The following F8 variants were observed in gnomAD, a reference collection of about 807,000 sequenced individuals.
F8 encodes the protein coagulation factor VIII.
Under a neutral mutation model 140.6 loss-of-function variants are expected in F8, and 12 were observed. The ratio of observed to expected loss-of-function variants is 0.09; its 90% CI spans 0.05 to 0.14. The LOEUF (loss-of-function observed/expected upper bound fraction) is 0.14, where lower values mean the gene tolerates loss of function less well. Among genes scored for constraint, F8 ranks in the 10% least tolerant of loss-of-function variants. The pLI is 1.00. For synonymous variants in F8, 585 were observed against 614.6 expected, an observed-to-expected ratio of 0.95 and a Z score of 0.71; for missense variants, 1,354 against 1,720.7, an observed-to-expected ratio of 0.79 and a Z score of 3.77.
At chrX:154,859,742 T>C (rs1011400789) in intron 25 of F8, among the ~76,000 whole-genome samples, 19 of 111,783 alleles carry the variant, frequency 1.7e-4, no homozygotes, top group African/African-American at 5.9e-4. Flanking sequence ...AAGTCTTTCA[T>C]CCAGCCTTGA....
At chrX:154,939,765 C>G (rs1055298342) in intron 13 of F8, among the ~76,000 whole-genome samples, 2 of 112,134 alleles carry the variant, frequency 1.8e-5, no homozygotes, top group African/African-American at 6.5e-5. Flanking sequence ...AGGCACCCCC[C>G]AGTAGGGGCA....
intron 25 of F8, among the ~76,000 whole-genome samples, chrX:154,838,977 A>AC (rs1486934607): frequency 1.3e-5 from 1 of 77,244 alleles, no homozygotes; most frequent in African/African-American, 5.4e-5. Flanking sequence ...GTCTGTTCCC[A>AC]CCTTGGCCCC....
chrX:154,968,089 T>C (rs2073434741), intron 7 of F8, among the ~76,000 whole-genome samples: 2 of 111,918 alleles, frequency 1.8e-5, no homozygotes, highest in Admixed American at 1.9e-4. Context: ...ACTCTTGCTA[T>C]GGTTTGAATG....
intron 13 of F8, among the ~76,000 whole-genome samples, chrX:154,934,692 C>T (rs1327923763): frequency 9.0e-6 from 1 of 111,671 alleles, no homozygotes; most frequent in Non-Finnish European, 1.9e-5. Context: ...TGAAAACTCA[C>T]ACATACAATC....
chrX:154,905,035 T>C lies in F8; in HGVS notation c.5374-12A>G. 1 of 1,129,835 alleles carries C rather than the reference T, an allele frequency of 8.9e-7. No homozygotes were observed. The highest frequency in any genetic ancestry group is 1.2e-6 in the Non-Finnish European group (1 of 828,410). The allele number at this position is 1,129,835 out of a possible 1,213,427, so 93.1% of individuals were successfully genotyped here. ...TTTCTGAAAGTTACCTGTAGAACAA[T>C]AACGACAAAAAAAAAAAAGCAAGAA... On this transcript the variant is annotated splice_polypyrimidine_tract_variant and intron_variant, in intron 15 of 25. Coordinates refer to ENST00000360256, the MANE Select transcript of F8 (RefSeq NM_000132.4).
At chrX:154,942,007 A>G (rs2073268677) in intron 13 of F8, among the ~76,000 whole-genome samples, 1 of 105,038 alleles carries the variant, frequency 9.5e-6, no homozygotes, top group South Asian at 4.5e-4. Context: ...TCTGGGACAC[A>G]TTCAAAGCAG....
rs782046996 is a variant in F8 at position 154,836,230 on chromosome X, G to T, written c.*1367C>A. The T allele has an allele frequency of 2.7e-5, 3 of 111,588 alleles. No individual in the cohort carries two copies. The highest frequency in any genetic ancestry group is 7.5e-4 in the South Asian group (2 of 2,661). 9.2% of individuals were successfully genotyped at this position (111,588 alleles called of 1,213,427 possible). A position where few individuals can be genotyped will look rare whatever the true frequency, so the allele number is the denominator to read the frequency against. ...TGGGATCCATTTTTCTTTCATATTA[G>T]GATCTCCTGTTTTCCATTTGCCCTG... On this transcript the variant is annotated 3_prime_UTR_variant, in exon 26 of 26. Transcript: ENST00000360256.
chrX:154,851,292 T>C (rs988703683), intron 25 of F8, among the ~76,000 whole-genome samples: 1 of 112,654 alleles, frequency 8.9e-6, no homozygotes, highest in Non-Finnish European at 1.9e-5. Flanking sequence ...TGTTCATCAC[T>C]TGATGAACAT....
At chrX:154,846,475 G>A (rs1257248505) in intron 25 of F8, among the ~76,000 whole-genome samples, 1 of 111,734 alleles carries the variant, frequency 8.9e-6, no homozygotes, top group African/African-American at 3.3e-5. Flanking sequence ...TCCTGTATTG[G>A]GTGCATATAT....
intron 4 of F8, among the ~76,000 whole-genome samples, chrX:154,990,070 AT>A (rs1296821723): frequency 1.2e-4 from 13 of 111,345 alleles, no homozygotes; most frequent in Admixed American, 1.1e-3. Context: ...TACCTATATC[AT>A]TTTTTTGAAA....
intron 15 of F8, among the ~76,000 whole-genome samples, chrX:154,906,182 G>A (rs1214720961): frequency 9.0e-6 from 1 of 111,422 alleles, no homozygotes; most frequent in Non-Finnish European, 1.9e-5. Flanking sequence ...TGTTTTTAAT[G>A]ACGTAAGAAA....
At chrX:155,013,009 G>A (rs782057650) in intron 1 of F8, among the ~76,000 whole-genome samples, 2 of 108,894 alleles carry the variant, frequency 1.8e-5, no homozygotes, top group South Asian at 4.1e-4. Context: ...AGCCAGGCGT[G>A]GTGGCGGGCG....
Position 154,966,022 on chromosome X carries a change from T to C in F8, c.1391A>G (p.Glu464Gly). The change falls in exon 9 of 26, where the codon GAA (glutamate) becomes GGA (glycine). Residue 464 changes from glutamate (E) to glycine (G), a missense_variant. Physicochemically the swap from Glu to Gly is moderately conservative, Grantham distance 98 (BLOSUM62 -2). This residue lies in a region of F8 where 252 missense variants were observed against 338.5 expected (regional missense o/e 0.74). Transcript: ENST00000360256. ...TFKTREAIQH[E>G]SGILGPLLYG... ...AAGTAAAGGTCCCAAGATTCCTGATTCATGCTGAATAGCTTCACGAGTCTT... is the reference window on the plus strand; with the variant it reads ...AAGTAAAGGTCCCAAGATTCCTGATCCATGCTGAATAGCTTCACGAGTCTT... The C allele has an allele frequency of 3.3e-6, 4 of 1,211,196 alleles. No homozygotes were observed. The highest frequency in any genetic ancestry group is 4.5e-6 in the Non-Finnish European group (4 of 895,153).
At chrX:154,942,244 G>C (rs1210463622) in intron 13 of F8, among the ~76,000 whole-genome samples, 1 of 109,989 alleles carries the variant, frequency 9.1e-6, no homozygotes, top group Non-Finnish European at 1.9e-5. Context: ...TTTTTGAAAG[G>C]ATCAACAGAA....
At chrX:154,916,002 T>G (rs2073094942) in intron 14 of F8, among the ~76,000 whole-genome samples, 2 of 112,005 alleles carry the variant, frequency 1.8e-5, no homozygotes, top group Admixed American at 9.5e-5. Context: ...TTGTTGAGAG[T>G]TTTTATCATG....
At chrX:154,992,832 C>T in intron 4 of F8, 104 bp downstream of exon 4, 1 of 782,116 alleles carries the variant, frequency 1.3e-6, no homozygotes, top group Non-Finnish European at 1.9e-6. Flanking sequence ...AGTAAAAAAG[C>T]CTCTTTCAGG....
chrX:154,870,168 A>C (rs956774001), intron 22 of F8, among the ~76,000 whole-genome samples: 2 of 112,318 alleles, frequency 1.8e-5, no homozygotes, highest in Non-Finnish European at 3.8e-5. Context: ...ACAATAGAAA[A>C]AGAGGGAATC....
chrX:155,020,177 T>C (rs1307181379), intron 1 of F8, among the ~76,000 whole-genome samples: 4 of 111,846 alleles, frequency 3.6e-5, no homozygotes, highest in Non-Finnish European at 7.5e-5. Flanking sequence ...GGTACTGGCA[T>C]AGCAAGATAA....
intron 24 of F8, 58 bp downstream of exon 24, chrX:154,861,660 G>A (rs2072691872): frequency 3.4e-6 from 4 of 1,184,504 alleles, no homozygotes; most frequent in South Asian, 1.8e-5. Context: ...GGCCTTCCCC[G>A]ATTTTTTCCC....
Sources: allele counts gnomAD v4.1 joint callset (sites outside exome capture counted in the v4.1 genomes callset), GRCh38; gene constraint gnomAD v4.1.1; regional missense constraint gnomAD v4.1.1; transcripts MANE v1.5; gene names NCBI Gene and HGNC (gene_info 2026-07-23, HGNC 2026-07-21).